Variants in ASXL3 observed in about 807,000 individuals in gnomAD.
ASXL3 encodes the protein putative Polycomb group protein ASXL3.
In ASXL3, 34 loss-of-function variants were observed where a neutral mutation model predicts 170.6. The observed-to-expected ratio is 0.20, with a 90% CI of 0.15 to 0.27. The LOEUF (loss-of-function observed/expected upper bound fraction) is 0.27, where lower values mean the gene tolerates loss of function less well. Ranked by LOEUF, ASXL3 falls within the 10% of genes least tolerant of loss-of-function variation. The pLI is 1.00. For synonymous variants in ASXL3, 1,002 were observed against 989.1 expected, an observed-to-expected ratio of 1.01 and a Z score of -0.24; for missense variants, 2,592 against 2,695.3, an observed-to-expected ratio of 0.96 and a Z score of 0.85.
intron 1 of ASXL3, among the ~76,000 whole-genome samples, chr18:33,605,890 A>T (rs201742554): frequency 2.6e-5 from 4 of 151,340 alleles, no homozygotes; most frequent in Non-Finnish European, 5.9e-5. Context: ...GTCTGTGTCT[A>T]TTGACCTCCT....
At chr18:33,653,012 G>A (rs2066026895) in intron 4 of ASXL3, among the ~76,000 whole-genome samples, 1 of 151,992 alleles carries the variant, frequency 6.6e-6, no homozygotes, top group Non-Finnish European at 1.5e-5. Context: ...TTTATACAAG[G>A]CTACAAAAAA....
Position 33,740,425 on chromosome 18 carries a change from A to G in ASXL3, c.3021A>G (p.Pro1007=), listed in dbSNP as rs1366684316. 6.3e-7 allele frequency: 1 copy of G among 1,579,464 alleles called. No individual in the cohort carries two copies. The highest frequency in any genetic ancestry group is 1.7e-4 in the Middle Eastern group (1 of 5,854). The change falls in exon 11 of 12, where the codon CCA becomes CCG. Residue 1007 remains proline, a synonymous_variant. Transcript: ENST00000269197. ...PEKEQPPREE[P]RVPPLKIQLS... ...AAGAACAGCCTCCCAGAGAGGAACC[A>G]AGGGTTCCCCCTCTCAAGGTATGGT...
intron 1 of ASXL3, among the ~76,000 whole-genome samples, chr18:33,585,374 A>T (rs1318668198): frequency 6.6e-6 from 1 of 152,130 alleles, no homozygotes; most frequent in Non-Finnish European, 1.5e-5. Flanking sequence ...CTTGGGGAAC[A>T]AATAGAAACA....
intron 1 of ASXL3, among the ~76,000 whole-genome samples, chr18:33,595,529 T>A (rs920441934): frequency 6.6e-6 from 1 of 152,188 alleles, no homozygotes; most frequent in Admixed American, 6.6e-5. Context: ...ACCAATTTAA[T>A]GAAAAGGAGA....
chr18:33,660,755 A>T (rs900252588), intron 4 of ASXL3, among the ~76,000 whole-genome samples: 3 of 152,080 alleles, frequency 2.0e-5, no homozygotes, highest in Non-Finnish European at 2.9e-5. Flanking sequence ...CTGTGCTCCT[A>T]CTCAAACCAT....
At chr18:33,629,660 A>T (rs2065649398) in intron 2 of ASXL3, among the ~76,000 whole-genome samples, 1 of 151,934 alleles carries the variant, frequency 6.6e-6, no homozygotes, top group Non-Finnish European at 1.5e-5. Flanking sequence ...TGCTCTCTGG[A>T]GAGTCTCTGT....
chr18:33,672,252 A>G (rs1438331466), intron 7 of ASXL3, among the ~76,000 whole-genome samples: 2 of 152,178 alleles, frequency 1.3e-5, no homozygotes, highest in African/African-American at 4.8e-5. Context: ...GGGTTCACTG[A>G]ACTGGAGAGT....
rs565542855 is a variant in ASXL3 at position 33,656,643 on chromosome 18, A to G, written c.356-4973A>G. ...AAGCACAAAACTGACTTTACTCGTTAAATAAGACAATGAGTAAAGATGGCA... is the reference window on the plus strand; with the variant it reads ...AAGCACAAAACTGACTTTACTCGTTGAATAAGACAATGAGTAAAGATGGCA... On this transcript the variant is annotated intron_variant, in intron 4 of 11. Transcript: ENST00000269197. 3.5e-4 allele frequency among the ~76,000 whole-genome samples: 53 copies of G among 152,192 alleles called. No individual in the cohort carries two copies. In the South Asian group the frequency reaches 8.5e-3, roughly 24 times the overall value.
chr18:33,693,518 CT>C (rs2066720595), intron 8 of ASXL3, among the ~76,000 whole-genome samples: 1 of 151,978 alleles, frequency 6.6e-6, no homozygotes, highest in Non-Finnish European at 1.5e-5. Flanking sequence ...GAGTTTTCCC[CT>C]GGATGGTAGT....
In ASXL3 at chr18:33,746,290, C is replaced by G; in HGVS notation, c.6442C>G (p.Gln2148Glu). ...AAQKMQVQQQ[Q>E]QLCGNYPTIH... Reference sequence around the variant, plus strand: ...TCAGAAAATGCAGGTGCAGCAACAACAGCAGCTCTGTGGAAATTATCCAAC... The same window carrying G: ...TCAGAAAATGCAGGTGCAGCAACAAGAGCAGCTCTGTGGAAATTATCCAAC... Residue 2148 changes from glutamine (Q) to glutamate (E), a missense_variant, in exon 12 of 12, where the codon CAG becomes GAG. Physicochemically the swap from Gln to Glu is conservative, Grantham distance 29. Transcript: ENST00000269197. 1 of 1,614,024 alleles carries G rather than the reference C, an allele frequency of 6.2e-7. No homozygotes were observed. Among genetic ancestry groups the G allele is most frequent in the South Asian group, 1.1e-5 (1 of 91,088 alleles).
intron 8 of ASXL3, among the ~76,000 whole-genome samples, chr18:33,728,353 T>G (rs976048061): frequency 6.6e-6 from 1 of 152,182 alleles, no homozygotes; most frequent in African/African-American, 2.4e-5. Flanking sequence ...GAACTTGCCT[T>G]CCACCTATTA....
chr18:33,669,328 G>T (rs769093999), intron 5 of ASXL3, among the ~76,000 whole-genome samples: 19 of 151,944 alleles, frequency 1.3e-4, no homozygotes, highest in Non-Finnish European at 2.4e-4. Context: ...TGTATTTTTT[G>T]CCCCTCTCCC....
chr18:33,634,778 G>T (rs1189316118), intron 2 of ASXL3, among the ~76,000 whole-genome samples: 1 of 152,108 alleles, frequency 6.6e-6, no homozygotes, highest in Non-Finnish European at 1.5e-5. Context: ...ATGGTAAAAT[G>T]TTAGCTTATC....
At chr18:33,662,573 T>C (rs571682880) in intron 5 of ASXL3, among the ~76,000 whole-genome samples, 4 of 152,264 alleles carry the variant, frequency 2.6e-5, no homozygotes, top group African/African-American at 9.6e-5. Flanking sequence ...GAGGAGATGT[T>C]ATGGTTAGAT....
chr18:33,665,839 T>C (rs78075510), intron 5 of ASXL3, among the ~76,000 whole-genome samples: 4,670 of 152,276 alleles, frequency 0.031, 238 homozygotes, highest in African/African-American at 0.11. Context: ...TTTGATTTCT[T>C]TCCTTGCACT....
chr18:33,578,695 G>A lies in ASXL3; in HGVS notation c.54+10G>A. On this transcript the variant is annotated intron_variant, in intron 1 of 11. Transcript: ENST00000269197. ...CGAGGCTGCCCGCCTGGTACGTACC[G>A]CCCCCCACACGCCGCCCGCGCCTCC... 1 of 1,273,750 alleles carries A rather than the reference G, an allele frequency of 7.9e-7. No homozygotes were observed. The highest frequency in any genetic ancestry group is 1.0e-6 in the Non-Finnish European group (1 of 989,228). The allele number at this position is 1,273,750 out of a possible 1,614,324, so 78.9% of individuals were successfully genotyped here. A position where few individuals can be genotyped will look rare whatever the true frequency, so the allele number is the denominator to read the frequency against.
At chr18:33,703,104 G>T (rs974994497) in intron 8 of ASXL3, among the ~76,000 whole-genome samples, 1 of 152,038 alleles carries the variant, frequency 6.6e-6, no homozygotes, top group African/African-American at 2.4e-5. Flanking sequence ...GTTCTCTCTG[G>T]TACATTAGTT....
chr18:33,710,987 T>C (rs1249069440), intron 8 of ASXL3, among the ~76,000 whole-genome samples: 1 of 152,172 alleles, frequency 6.6e-6, no homozygotes, highest in African/African-American at 2.4e-5. Flanking sequence ...TTGTACTCTT[T>C]TCTCTAAGGT....
intron 2 of ASXL3, among the ~76,000 whole-genome samples, chr18:33,637,535 T>C (rs1270497733): frequency 6.6e-6 from 1 of 152,206 alleles, no homozygotes; most frequent in East Asian, 1.9e-4. Context: ...AATGAGTAGC[T>C]ACAGGTTGAA....
Sources: gnomAD v4.1 joint callset for allele counts (sites outside exome capture counted in the v4.1 genomes callset) on GRCh38, gnomAD v4.1.1 for gene constraint, MANE v1.5 for transcripts, NCBI Gene and HGNC (gene_info 2026-07-23, HGNC 2026-07-21) for gene names.